The following TMEM150A variants were observed in gnomAD, a reference collection of about 807,000 sequenced individuals.
TMEM150A encodes transmembrane protein 150A.
A neutral mutation model predicts 29.8 loss-of-function variants in TMEM150A; 18 were observed. The ratio of observed to expected loss-of-function variants is 0.60; its 90% CI spans 0.42 to 0.90. The LOEUF (loss-of-function observed/expected upper bound fraction) is 0.90, where lower values mean the gene tolerates loss of function less well. Among genes scored for constraint, TMEM150A ranks in the 40% least tolerant of loss-of-function variants. TMEM150A has a pLI of 0.00. For missense variants in TMEM150A, 251 were observed against 349.7 expected (o/e 0.72, Z 2.25); for synonymous variants, 127 against 143.6 (o/e 0.88, Z 0.83).
Position 85,601,863 on chromosome 2 carries a change from C to T in TMEM150A, c.65+21G>A, listed in dbSNP as rs200494704. ...GCGTCATCAAGCTCCTGTTGCCCCCCGGGCACCCCCCTTTACTCACACAGT... is the reference window on the plus strand; with the variant it reads ...GCGTCATCAAGCTCCTGTTGCCCCCTGGGCACCCCCCTTTACTCACACAGT... On this transcript the variant is annotated intron_variant, in intron 2 of 7. Transcript: ENST00000334462. The surrounding 1 kb of genome is among the most constrained non-coding windows in gnomAD (Gnocchi z 4.0). 7 of 1,613,074 alleles carry T rather than the reference C, an allele frequency of 4.3e-6. No homozygotes were observed. Among genetic ancestry groups the T allele is most frequent in the African/African-American group, 1.3e-5 (1 of 74,906 alleles).
At chr2:85,600,457 CG>C (rs765232646) in intron 4 of TMEM150A, 45 bp from the exon 5 acceptor site, 15 of 1,521,144 alleles carry the variant, frequency 9.9e-6, no homozygotes, top group African/African-American at 1.4e-5. Flanking sequence ...GCAGGAGGCC[CG>C]GGGGGCCCCC....
Position 85,599,567 on chromosome 2 carries a change from G to A in TMEM150A, c.532C>T (p.Arg178Ter), listed in dbSNP as rs751247738. Residue 178 changes from arginine (R) to a stop codon, truncating the protein, a stop_gained, in exon 7 of 8, where the codon CGA becomes TGA. Coordinates refer to ENST00000334462, the MANE Select transcript of TMEM150A (RefSeq NM_001031738.3). LOFTEE classifies it high-confidence loss of function. This position sits in a 1 kb window ranked among gnomAD's most constrained non-coding sequence, Gnocchi z 6.0. Reference protein sequence around the residue: ...APLDLAVAYLRSVLAVIAFIT... With the variant: ...APLDLAVAYL ...AAGGCGATGACAGCCAGCACACTTC[G>A]CAGATAGGCCACAGCCAGGTCCAGC... The A allele has an allele frequency of 5.6e-6, 9 of 1,613,874 alleles. No homozygotes were observed. The highest frequency in any genetic ancestry group is 2.2e-5 in the South Asian group (2 of 91,080).
chr2:85,601,176 G>C lies in TMEM150A; in HGVS notation c.114-69C>G. 6 of 1,499,460 alleles carry C rather than the reference G, an allele frequency of 4.0e-6. No homozygotes were observed. The highest frequency in any genetic ancestry group is 2.2e-4 in the Middle Eastern group (1 of 4,644). 92.9% of individuals were successfully genotyped at this position (1,499,460 alleles called of 1,614,324 possible). Reference sequence around the variant, plus strand: ...CCAGGCCCTTGGCCTATAGCCTCAGGCCTCAAAGAGGACTCTCTCCCAGAC... The same window carrying C: ...CCAGGCCCTTGGCCTATAGCCTCAGCCCTCAAAGAGGACTCTCTCCCAGAC... On this transcript the variant is annotated intron_variant, in intron 3 of 7. Coordinates refer to ENST00000334462, the MANE Select transcript of TMEM150A (RefSeq NM_001031738.3). This position sits in a 1 kb window ranked among gnomAD's most constrained non-coding sequence, Gnocchi z 4.0.
chr2:85,599,344 G>A lies in TMEM150A; in HGVS notation c.575-27C>T. 1 of 1,612,192 alleles carries A rather than the reference G, an allele frequency of 6.2e-7. No homozygotes were observed. The highest frequency in any genetic ancestry group is 8.5e-7 in the Non-Finnish European group (1 of 1,178,586). ...TAAAACGAGGCTAAGGAAATGTTCAGTAGGACATACGGAAACCTGGCAACA... is the reference window on the plus strand; with the variant it reads ...TAAAACGAGGCTAAGGAAATGTTCAATAGGACATACGGAAACCTGGCAACA... On this transcript the variant is annotated intron_variant, in intron 7 of 7. Transcript: ENST00000334462. The surrounding 1 kb of genome is among the most constrained non-coding windows in gnomAD (Gnocchi z 6.0).
rs202124917 is a variant in TMEM150A, at chr2:85,599,268, G to A, written c.624C>T (p.Ala208=). The change falls in exon 8 of 8, where the codon GCC becomes GCT. Residue 208 remains alanine (A), a synonymous_variant. Transcript: ENST00000334462. The surrounding 1 kb of genome is among the most constrained non-coding windows in gnomAD (Gnocchi z 6.0). ...CGATGACACACACCCACTCACACAG[G>A]GCTGCCCCATGTTGCAGCTGAGAAC... ...HESSQLQHGA[A]LCEWVCVIDI... 6.2e-7 allele frequency: 1 copy of A among 1,613,900 alleles called. No homozygotes were observed.
In TMEM150A at chr2:85,601,437, G is replaced by T. The variant is rs1014592790; in HGVS notation, c.111C>A (p.Asn37Lys). The change falls in exon 3 of 8, where the codon AAC becomes AAA. Residue 37 changes from asparagine to lysine, a missense_variant and splice_region_variant. Physicochemically the swap from Asn to Lys is moderately conservative, Grantham distance 94 (BLOSUM62 0). Coordinates refer to ENST00000334462, the MANE Select transcript of TMEM150A (RefSeq NM_001031738.3). The surrounding 1 kb of genome is among the most constrained non-coding windows in gnomAD (Gnocchi z 4.0). ...GTTGTCTGCAGAGTCCTTCATACCA[G>T]TTCTCCACAGGGCATACATGGTGGT... ...VMNHHVCPVE[N>K]WSYNESCPPD... 3 of 1,613,602 alleles carry T rather than the reference G, an allele frequency of 1.9e-6. No homozygotes were observed. Among genetic ancestry groups the T allele is most frequent in the Admixed American group, 1.7e-5 (1 of 59,994 alleles).
Position 85,602,276 on chromosome 2 carries a change from A to G in TMEM150A, c.-116-212T>C. On this transcript the variant is annotated intron_variant, in intron 1 of 7. Coordinates refer to ENST00000334462, the MANE Select transcript of TMEM150A (RefSeq NM_001031738.3). This position sits in a 1 kb window ranked among gnomAD's most constrained non-coding sequence, Gnocchi z 5.6. ...GTGCTGAGAGACGCAGGCGGACCGT[A>G]ACATCTGGAAGGGAGTTACCCTCCT... 1 of 281,228 alleles carries G rather than the reference A, an allele frequency of 3.6e-6. No individual in the cohort carries two copies. The highest frequency in any genetic ancestry group is 7.0e-6 in the Non-Finnish European group (1 of 142,536). 17.4% of individuals were successfully genotyped at this position (281,228 alleles called of 1,614,324 possible).
chr2:85,601,156 C>A lies in TMEM150A; in HGVS notation c.114-49G>T. 6.3e-7 allele frequency: 1 copy of A among 1,583,690 alleles called. No individual in the cohort carries two copies. The highest frequency in any genetic ancestry group is 8.6e-7 in the Non-Finnish European group (1 of 1,159,398). On this transcript the variant is annotated intron_variant, in intron 3 of 7. Transcript: ENST00000334462. This position sits in a 1 kb window ranked among gnomAD's most constrained non-coding sequence, Gnocchi z 4.0. ...ACTGGGGGAAGGGACTGCCCCCAGGCCCTTGGCCTATAGCCTCAGGCCTCA... is the reference window on the plus strand; with the variant it reads ...ACTGGGGGAAGGGACTGCCCCCAGGACCTTGGCCTATAGCCTCAGGCCTCA...
At position 85,599,706 on chromosome 2, in the gene TMEM150A, G is replaced by C; in HGVS notation, c.397-4C>G. 7 of 1,611,208 alleles carry C rather than the reference G, an allele frequency of 4.3e-6. No individual in the cohort carries two copies. Among genetic ancestry groups the C allele is most frequent in the Non-Finnish European group, 5.1e-6 (6 of 1,178,984 alleles). On this transcript the variant is annotated splice_polypyrimidine_tract_variant and splice_region_variant and intron_variant, in intron 6 of 7. Transcript: ENST00000334462. This position sits in a 1 kb window ranked among gnomAD's most constrained non-coding sequence, Gnocchi z 6.0. ...GCAGAGACCTGGCATGATCCACCTG[G>C]GCCCAGAGAAGGGCCAGTTGGTGAT...
At chr2:85,600,619 G>C in intron 4 of TMEM150A, 1 of 588,712 alleles carries the variant, frequency 1.7e-6, no homozygotes, top group East Asian at 2.8e-5. Context: ...AGAGAAGGGA[G>C]TGCCCAGGAG....
At position 85,602,298 on chromosome 2, in the gene TMEM150A, T is replaced by G. The variant is rs998620972; in HGVS notation, c.-116-234A>C. 6 of 219,550 alleles carry G rather than the reference T, an allele frequency of 2.7e-5. No homozygotes were observed. The highest frequency in any genetic ancestry group is 5.4e-5 in the Admixed American group (1 of 18,680). 13.6% of individuals were successfully genotyped at this position (219,550 alleles called of 1,614,324 possible). On this transcript the variant is annotated intron_variant, in intron 1 of 7. Coordinates refer to ENST00000334462, the MANE Select transcript of TMEM150A (RefSeq NM_001031738.3). The surrounding 1 kb of genome is among the most constrained non-coding windows in gnomAD (Gnocchi z 5.6). ...CGTAACATCTGGAAGGGAGTTACCC[T>G]CCTTCTGAGGGACCAGGGCTGGGAG...
At position 85,601,021 on chromosome 2, in the gene TMEM150A, C is replaced by T; in HGVS notation, c.200G>A (p.Ser67Asn). The change falls in exon 4 of 8, where the codon AGC becomes AAC. Residue 67 changes from serine (S) to asparagine (N), a missense_variant and splice_region_variant. Physicochemically the swap from Ser to Asn is conservative, Grantham distance 46. Transcript: ENST00000334462. The surrounding 1 kb of genome is among the most constrained non-coding windows in gnomAD (Gnocchi z 4.0). Reference sequence around the variant, plus strand: ...GACCGGCCCAATGTCCAGGCCTTACCTGATGAGGGGGACATCGTCCAGGGT... The same window carrying T: ...GACCGGCCCAATGTCCAGGCCTTACTTGATGAGGGGGACATCGTCCAGGGT... ...CCTLDDVPLISKCGSYPPESC... is the reference protein window; with the variant it reads ...CCTLDDVPLINKCGSYPPESC... 6.2e-7 allele frequency: 1 copy of T among 1,612,476 alleles called. No individual in the cohort carries two copies. The highest frequency in any genetic ancestry group is 1.7e-4 in the Middle Eastern group (1 of 5,938).
At position 85,599,010 on chromosome 2, in the gene TMEM150A, A is replaced by C. The variant is rs1020785673; in HGVS notation, c.*66T>G. On this transcript the variant is annotated 3_prime_UTR_variant, in exon 8 of 8. Transcript: ENST00000334462. The surrounding 1 kb of genome is among the most constrained non-coding windows in gnomAD (Gnocchi z 6.0). The stretch of plus-strand genomic sequence containing the variant: ...CTTTCTCAAAATTGTTTTTGGTACG[A>C]AATAAATGGAAAGAAGATATGGGGT... 6.4e-7 allele frequency: 1 copy of C among 1,573,388 alleles called. No individual in the cohort carries two copies. Among genetic ancestry groups the C allele is most frequent in the Non-Finnish European group, 8.6e-7 (1 of 1,157,878 alleles).
rs1479692346 is a variant in TMEM150A at position 85,601,004 on chromosome 2, C to G, written c.200+17G>C. ...GGCCCTTAGATCTCCCTGACCGGCC[C>G]AATGTCCAGGCCTTACCTGATGAGG... On this transcript the variant is annotated intron_variant, in intron 4 of 7. Coordinates refer to ENST00000334462, the MANE Select transcript of TMEM150A (RefSeq NM_001031738.3). The surrounding 1 kb of genome is among the most constrained non-coding windows in gnomAD (Gnocchi z 4.0). 6.2e-7 allele frequency: 1 copy of G among 1,610,254 alleles called. No individual in the cohort carries two copies. The highest frequency in any genetic ancestry group is 8.5e-7 in the Non-Finnish European group (1 of 1,178,492).
rs1238534728 is a variant in TMEM150A, at chr2:85,601,858, C to G, written c.65+26G>C. 2 of 1,611,358 alleles carry G rather than the reference C, an allele frequency of 1.2e-6. No individual in the cohort carries two copies. Among genetic ancestry groups the G allele is most frequent in the Non-Finnish European group, 1.7e-6 (2 of 1,178,194 alleles). ...TGTGTGCGTCATCAAGCTCCTGTTG[C>G]CCCCCGGGCACCCCCCTTTACTCAC... On this transcript the variant is annotated intron_variant, in intron 2 of 7. Transcript: ENST00000334462. This position sits in a 1 kb window ranked among gnomAD's most constrained non-coding sequence, Gnocchi z 4.0.
At position 85,601,202 on chromosome 2, in the gene TMEM150A, C is replaced by G; in HGVS notation, c.114-95G>C. 1.5e-6 allele frequency: 2 copies of G among 1,357,388 alleles called. No individual in the cohort carries two copies. Among genetic ancestry groups the G allele is most frequent in the Non-Finnish European group, 2.1e-6 (2 of 964,358 alleles). The allele number at this position is 1,357,388 out of a possible 1,614,324, so 84.1% of individuals were successfully genotyped here. On this transcript the variant is annotated intron_variant, in intron 3 of 7. Coordinates refer to ENST00000334462, the MANE Select transcript of TMEM150A (RefSeq NM_001031738.3). The surrounding 1 kb of genome is among the most constrained non-coding windows in gnomAD (Gnocchi z 4.0). ...CCTCAAAGAGGACTCTCTCCCAGAC[C>G]TCCCCTACAGGGACAGAAGATCCCA...
At position 85,598,943 on chromosome 2, in the gene TMEM150A, C is replaced by T; in HGVS notation, c.*133G>A. The T allele has an allele frequency of 7.4e-7, 1 of 1,342,770 alleles. No homozygotes were observed. The highest frequency in any genetic ancestry group is 1.0e-6 in the Non-Finnish European group (1 of 1,002,240). The allele number at this position is 1,342,770 out of a possible 1,614,324, so 83.2% of individuals were successfully genotyped here. ...CATGGCACAGGTGGGCATGGGATGG[C>T]CACTTCTCCAGAAGTGAGGAAGCCC... is the stretch of plus-strand genomic sequence containing the variant. On this transcript the variant is annotated 3_prime_UTR_variant, in exon 8 of 8. Transcript: ENST00000334462.
At position 85,602,486 on chromosome 2, in the gene TMEM150A, T is replaced by C. The variant is rs1348951331; in HGVS notation, c.-117+121A>G. The C allele has an allele frequency of 8.6e-5, 13 of 151,770 alleles. No homozygotes were observed. The highest frequency in any genetic ancestry group is 1.5e-4 in the Non-Finnish European group (10 of 67,918). 9.4% of individuals were successfully genotyped at this position (151,770 alleles called of 1,614,324 possible). The stretch of plus-strand genomic sequence containing the variant: ...CAGCCCGGCCCGGCCCCCGCTCGCC[T>C]GGGCGCGGGGACCCCGGCTGGGGCC... On this transcript the variant is annotated intron_variant, in intron 1 of 7. Transcript: ENST00000334462. The surrounding 1 kb of genome is among the most constrained non-coding windows in gnomAD (Gnocchi z 5.6).
At chr2:85,600,708 A>C in intron 4 of TMEM150A, 1 of 548,700 alleles carries the variant, frequency 1.8e-6, no homozygotes, top group East Asian at 3.1e-5. Context: ...GGGCTGGGCA[A>C]TCTGAGGGCT....
Sources: allele counts gnomAD v4.1 joint callset, GRCh38; gene constraint gnomAD v4.1.1; non-coding constraint Gnocchi (gnomAD v3.1); transcripts MANE v1.5; gene names NCBI Gene and HGNC (gene_info 2026-07-23, HGNC 2026-07-21).